Variants in THOC2 observed in about 807,000 individuals in gnomAD.
The protein encoded by THOC2 is THO complex subunit 2.
In THOC2, 10 loss-of-function variants were observed where a neutral mutation model predicts 128.4. The ratio of observed to expected loss-of-function variants is 0.08; its 90% CI spans 0.05 to 0.13. THOC2 has a LOEUF of 0.13. Ranked by LOEUF, THOC2 falls within the 10% of genes least tolerant of loss-of-function variation. THOC2 has a pLI of 1.00. For missense variants in THOC2, 535 were observed against 1,155.7 expected (o/e 0.46, Z 7.79); for synonymous variants, 393 against 396.9 (o/e 0.99, Z 0.12).
chrX:123,623,594 T>G (rs1376358625), intron 28 of THOC2, 193 bp downstream of exon 28: 1 of 905,929 alleles, frequency 1.1e-6, no homozygotes, highest in African/African-American at 2.0e-5. Flanking sequence ...TTAAAAAAAC[T>G]ATCATCCAGT....
intron 7 of THOC2, among the ~76,000 whole-genome samples, chrX:123,692,578 T>C (rs901232660): frequency 3.0e-5 from 3 of 99,555 alleles, no homozygotes; most frequent in Non-Finnish European, 4.0e-5. Flanking sequence ...CTCAGCTCAC[T>C]GCAACCTCCA....
intron 21 of THOC2, among the ~76,000 whole-genome samples, 188 bp downstream of exon 21, chrX:123,632,673 C>A (rs956171453): frequency 1.8e-5 from 2 of 110,678 alleles, no homozygotes; most frequent in South Asian, 7.7e-4. Flanking sequence ...CATATAACAT[C>A]TCTTGGAGCT....
intron 1 of THOC2, 35 bp from the exon 2 acceptor site, chrX:123,712,943 C>T: frequency 1.0e-6 from 1 of 977,815 alleles, no homozygotes; most frequent in Non-Finnish European, 1.4e-6. Context: ...TTTCAATTTC[C>T]ACCCTAACAT....
intron 12 of THOC2, among the ~76,000 whole-genome samples, chrX:123,659,465 G>A (rs2048741507): frequency 8.9e-6 from 1 of 112,459 alleles, no homozygotes; most frequent in African/African-American, 3.2e-5. Flanking sequence ...CAGCTACTTG[G>A]GAGGCTGAGG....
chrX:123,610,927 A>G lies in THOC2; in HGVS notation c.*9T>C. 8.3e-7 allele frequency: 1 copy of G among 1,205,895 alleles called. No homozygotes were observed. Among genetic ancestry groups the G allele is most frequent in the South Asian group, 1.8e-5 (1 of 56,037 alleles). Reference sequence around the variant, plus strand: ...GTGAGAGAACACTCACCTTGATGGAAAGTCTTCATTATCTGTGCTTGTCCG... The same window carrying G: ...GTGAGAGAACACTCACCTTGATGGAGAGTCTTCATTATCTGTGCTTGTCCG... On this transcript the variant is annotated 3_prime_UTR_variant, in exon 38 of 39. Transcript: ENST00000245838.
chrX:123,668,327 C>T lies in THOC2; in HGVS notation c.862-13G>A, dbSNP rs759854643. The T allele has an allele frequency of 1.8e-6, 2 of 1,137,953 alleles. No homozygotes were observed. The highest frequency in any genetic ancestry group is 2.2e-5 in the South Asian group (1 of 46,135). The allele number at this position is 1,137,953 out of a possible 1,213,427, so 93.8% of individuals were successfully genotyped here. A position where few individuals can be genotyped will look rare whatever the true frequency, so the allele number is the denominator to read the frequency against. On this transcript the variant is annotated splice_polypyrimidine_tract_variant and intron_variant, in intron 9 of 38. Coordinates refer to ENST00000245838, the MANE Select transcript of THOC2 (RefSeq NM_001081550.2). ...CAGCCGGAAGAAGCTAAAAATGGTA[C>T]ATTAAAATTTCATAAAATAGCTAAT... is the stretch of plus-strand genomic sequence containing the variant.
chrX:123,715,800 A>T (rs1426168652), intron 1 of THOC2, among the ~76,000 whole-genome samples: 2 of 109,346 alleles, frequency 1.8e-5, no homozygotes, highest in Non-Finnish European at 3.8e-5. Context: ...AAAAAAAAAA[A>T]GAAAATGAAA....
At chrX:123,645,987 A>G (rs1436589188) in intron 12 of THOC2, among the ~76,000 whole-genome samples, 2 of 111,859 alleles carry the variant, frequency 1.8e-5, no homozygotes, top group East Asian at 2.8e-4. Context: ...CAAAAACTTC[A>G]TTATAATACA....
intron 1 of THOC2, among the ~76,000 whole-genome samples, chrX:123,728,308 G>A (rs2052085187): frequency 9.1e-6 from 1 of 110,094 alleles, no homozygotes; most frequent in African/African-American, 3.3e-5. Context: ...TATATTGACA[G>A]CACTCACCCT....
Position 123,627,876 on chromosome X carries a change from C to T in THOC2, c.2574G>A (p.Ala858=), listed in dbSNP as rs763790733. The change falls in exon 23 of 39, where the codon GCG becomes GCA. Residue 858 remains alanine, a synonymous_variant. Coordinates refer to ENST00000245838, the MANE Select transcript of THOC2 (RefSeq NM_001081550.2). The stretch of plus-strand genomic sequence containing the variant: ...AGGAGACCACTGCTTCATGGACAGG[C>T]GCCATCACCATCTCACATGATGTAA... ...KYITSCEMVM[A]PVHEAVVSLH... The T allele has an allele frequency of 3.9e-5, 47 of 1,209,569 alleles. No individual in the cohort carries two copies. In the African/African-American group the frequency reaches 4.5e-4, roughly 12 times the overall value.
At chrX:123,637,148 G>A (rs2047704008) in intron 18 of THOC2, among the ~76,000 whole-genome samples, 1 of 111,510 alleles carries the variant, frequency 9.0e-6, no homozygotes, top group African/African-American at 3.3e-5. Context: ...TCGGGAAGCA[G>A]GGAAAAGATG....
intron 30 of THOC2, 30 bp downstream of exon 30, chrX:123,622,728 G>C: frequency 1.0e-6 from 1 of 982,067 alleles, no homozygotes; most frequent in South Asian, 2.2e-5. Context: ...AAAGAATTTA[G>C]AATTATGACA....
At chrX:123,663,867 G>A (rs747754859) in intron 12 of THOC2, among the ~76,000 whole-genome samples, 11 of 111,160 alleles carry the variant, frequency 9.9e-5, no homozygotes, top group African/African-American at 2.0e-4. Flanking sequence ...GAGAACATGC[G>A]GTGTTTGGTT....
At chrX:123,621,058 T>C (rs2147585236) in intron 31 of THOC2, 93 bp from the exon 32 acceptor site, 3 of 1,183,025 alleles carry the variant, frequency 2.5e-6, no homozygotes, top group East Asian at 3.0e-5. Context: ...CAAGTTCCCC[T>C]AGCAAAACCC....
intron 38 of THOC2, among the ~76,000 whole-genome samples, chrX:123,608,597 G>T (rs150609599): frequency 0.014 from 1,508 of 110,378 alleles, 26 homozygotes; most frequent in African/African-American, 0.047. Flanking sequence ...GGTGGTGCGT[G>T]CCTGTAATCC....
At chrX:123,653,876 A>G (rs1260141786) in intron 12 of THOC2, among the ~76,000 whole-genome samples, 1 of 111,790 alleles carries the variant, frequency 8.9e-6, no homozygotes, top group Non-Finnish European at 1.9e-5. Context: ...AACTAAAAAT[A>G]CCATTTGACC....
intron 8 of THOC2, among the ~76,000 whole-genome samples, chrX:123,677,000 T>A (rs1020700848): frequency 2.7e-5 from 3 of 111,534 alleles, no homozygotes; most frequent in African/African-American, 9.8e-5. Context: ...ACAACGGAGA[T>A]ACATTCAATG....
chrX:123,671,731 A>G lies in THOC2; in HGVS notation c.799T>C (p.Tyr267His). The change falls in exon 9 of 39, where the codon TAC becomes CAC. Residue 267 changes from tyrosine to histidine, a missense_variant. Physicochemically the swap from Tyr to His is moderately conservative, Grantham distance 83. Around this residue, in one of 9 missense-constraint regions of THOC2, gnomAD observed 197 missense variants for 313.4 expected, o/e 0.63. Transcript: ENST00000245838. ...EPNGETPSSLYRVAAVLLQFN... is the reference protein window; with the variant it reads ...EPNGETPSSLHRVAAVLLQFN... ...TGTAGAAGTACTGCTGCAACTCTGT[A>G]TAAAGATGATGGTGTCTCGCCATTT... 1 of 1,182,940 alleles carries G rather than the reference A, an allele frequency of 8.5e-7. No homozygotes were observed. Among genetic ancestry groups the G allele is most frequent in the Non-Finnish European group, 1.1e-6 (1 of 878,804 alleles).
chrX:123,620,721 A>G (rs2047051994), intron 32 of THOC2, 186 bp downstream of exon 32: 2 of 373,053 alleles, frequency 5.4e-6, no homozygotes, highest in East Asian at 4.2e-5. Context: ...TAACATTTTT[A>G]TAATAAAAAT....
Sources: allele counts gnomAD v4.1 joint callset (sites outside exome capture counted in the v4.1 genomes callset), GRCh38; gene constraint gnomAD v4.1.1; regional missense constraint gnomAD v4.1.1; transcripts MANE v1.5; gene names NCBI Gene and HGNC (gene_info 2026-07-23, HGNC 2026-07-21).